The following GPC6 variants were observed in gnomAD, a reference collection of about 807,000 sequenced individuals.
GPC6 encodes glypican-6.
Under a neutral mutation model 55.2 loss-of-function variants are expected in GPC6, and 14 were observed. The ratio of observed to expected loss-of-function variants is 0.25; its 90% CI spans 0.17 to 0.40. The LOEUF is 0.40. Among genes scored for constraint, GPC6 ranks in the 10% least tolerant of loss-of-function variants. GPC6 has a pLI of 1.00. For synonymous variants in GPC6, 278 were observed against 259.6 expected (o/e 1.07, Z -0.68); for missense variants, 641 against 708.5 (o/e 0.90, Z 1.08).
chr13:93,653,575 C>T (rs1880515341), intron 2 of GPC6, among the ~76,000 whole-genome samples: 1 of 145,650 alleles, frequency 6.9e-6, no homozygotes, highest in African/African-American at 2.5e-5. Flanking sequence ...AGTATATGGC[C>T]GTGTGTGTGT....
chr13:94,125,105 A>G (rs1593958821), intron 4 of GPC6, among the ~76,000 whole-genome samples: 1 of 152,182 alleles, frequency 6.6e-6, no homozygotes, highest in Non-Finnish European at 1.5e-5. Flanking sequence ...AGAGCCATCC[A>G]TGTGTCTCTG....
At chr13:93,401,526 TA>T (rs55690289) in intron 1 of GPC6, among the ~76,000 whole-genome samples, 4,155 of 145,644 alleles carry the variant, frequency 0.029, 188 homozygotes, top group African/African-American at 0.098. Flanking sequence ...TAGGTTGCAC[TA>T]AAAAAAAAAA....
rs528435167 is a variant in GPC6, at chr13:93,539,717, G to A, written c.161-5546G>A. Among the ~76,000 whole-genome samples the A allele has an allele frequency of 2.7e-5, 4 of 150,716 alleles. No individual in the cohort carries two copies. The East Asian group carries it at 7.8e-4, about 29-fold the overall frequency. On this transcript the variant is annotated intron_variant, in intron 1 of 8. Transcript: ENST00000377047. ...TACTTTTTTTTTTTTTTGAGACAGG[G>A]TTTTGCTCTTGTTGTCCAGGCTAGA...
chr13:93,247,692 TA>T (rs1313743868), intron 1 of GPC6, among the ~76,000 whole-genome samples: 1 of 152,162 alleles, frequency 6.6e-6, no homozygotes, highest in Admixed American at 6.5e-5. Context: ...CAATTGAATA[TA>T]AAATACCTTA....
intron 1 of GPC6, among the ~76,000 whole-genome samples, chr13:93,426,808 G>A (rs9516231): frequency 0.31 from 46,948 of 150,240 alleles, 8,875 homozygotes; most frequent in Non-Finnish European, 0.44. Flanking sequence ...CTGAGGAATC[G>A]CCACACTGAC....
chr13:94,026,300 T>A (rs1044760595), intron 3 of GPC6, among the ~76,000 whole-genome samples: 2 of 152,128 alleles, frequency 1.3e-5, no homozygotes, highest in African/African-American at 4.8e-5. Context: ...AGGGATAGAA[T>A]CATAGAGAAA....
At chr13:93,481,814 A>G (rs1463030735) in intron 1 of GPC6, among the ~76,000 whole-genome samples, 1 of 152,168 alleles carries the variant, frequency 6.6e-6, no homozygotes, top group East Asian at 1.9e-4. Flanking sequence ...TGCCTTGGTT[A>G]CTACCATTTT....
chr13:94,310,192 G>A (rs1876171776), intron 6 of GPC6, among the ~76,000 whole-genome samples: 1 of 152,118 alleles, frequency 6.6e-6, no homozygotes, highest in African/African-American at 2.4e-5. Context: ...GACAGGGAGT[G>A]TCAGTTACTT....
chr13:93,900,472 G>C (rs1468571286), intron 3 of GPC6, among the ~76,000 whole-genome samples: 1 of 152,080 alleles, frequency 6.6e-6, no homozygotes, highest in Non-Finnish European at 1.5e-5. Context: ...TTGTATCTTT[G>C]AATGAAAACA....
chr13:93,833,118 A>AT (rs1887589382), intron 3 of GPC6, among the ~76,000 whole-genome samples: 3 of 69,582 alleles, frequency 4.3e-5, no homozygotes, highest in African/African-American at 2.4e-4. Context: ...AGAGAGAGAG[A>AT]GAGAGAGAGA....
chr13:94,255,543 C>G (rs28429747), intron 4 of GPC6, among the ~76,000 whole-genome samples: 3,717 of 152,248 alleles, frequency 0.024, 139 homozygotes, highest in African/African-American at 0.082. Context: ...GCATCCCTCT[C>G]TCTTTTCCTT....
chr13:93,358,464 A>G (rs186256461), intron 1 of GPC6, among the ~76,000 whole-genome samples: 125 of 152,274 alleles, frequency 8.2e-4, no homozygotes, highest in African/African-American at 2.6e-3. Context: ...TTCCCCCTTT[A>G]TGAATGAGGA....
At chr13:94,313,516 G>A (rs1876365591) in intron 6 of GPC6, among the ~76,000 whole-genome samples, 3 of 152,162 alleles carry the variant, frequency 2.0e-5, no homozygotes, top group Admixed American at 1.3e-4. Flanking sequence ...TAATTGCACA[G>A]GGCTGTATAC....
At chr13:94,328,835 T>A (rs1038796308) in intron 6 of GPC6, among the ~76,000 whole-genome samples, 23 of 152,294 alleles carry the variant, frequency 1.5e-4, no homozygotes, top group African/African-American at 4.8e-4. Context: ...TATGTGACCT[T>A]CGACAGGTCA....
intron 1 of GPC6, among the ~76,000 whole-genome samples, chr13:93,488,974 A>G (rs983956509): frequency 6.6e-6 from 1 of 151,800 alleles, no homozygotes; most frequent in Non-Finnish European, 1.5e-5. Context: ...CTTTAGTTTA[A>G]TTAGATCCCA....
chr13:94,385,651 C>T (rs1880369838), intron 7 of GPC6, among the ~76,000 whole-genome samples: 1 of 152,016 alleles, frequency 6.6e-6, no homozygotes, highest in South Asian at 2.1e-4. Context: ...AATTATTCCA[C>T]TAGCAGGGAA....
chr13:93,911,169 G>A (rs980625706), intron 3 of GPC6, among the ~76,000 whole-genome samples: 2 of 152,306 alleles, frequency 1.3e-5, no homozygotes, highest in South Asian at 4.2e-4. Context: ...GTTTAGAGAG[G>A]CATTCACAGG....
intron 1 of GPC6, among the ~76,000 whole-genome samples, chr13:93,350,759 A>G (rs1227158253): frequency 2.0e-5 from 3 of 152,190 alleles, no homozygotes. Flanking sequence ...CTTAAGAGAA[A>G]AGCTAGATCA....
At chr13:93,634,360 A>G (rs2139576312) in intron 2 of GPC6, among the ~76,000 whole-genome samples, 1 of 152,284 alleles carries the variant, frequency 6.6e-6, no homozygotes, top group South Asian at 2.1e-4. Flanking sequence ...TGGTGAGCAA[A>G]ACTAACCATT....
Sources: gnomAD v4.1 joint callset for allele counts (sites outside exome capture counted in the v4.1 genomes callset) on GRCh38, gnomAD v4.1.1 for gene constraint, MANE v1.5 for transcripts, NCBI Gene and HGNC (gene_info 2026-07-23, HGNC 2026-07-21) for gene names.